Variants in GALNT7 observed in about 807,000 individuals in gnomAD.
GALNT7 encodes polypeptide N-acetylgalactosaminyltransferase 7.
In GALNT7, 60 loss-of-function variants were observed where a neutral mutation model predicts 82.1. That is an observed-to-expected ratio of 0.73 (90% CI 0.59 to 0.91). The LOEUF is 0.91. GALNT7 is among the 40% of genes least tolerant of loss of function. GALNT7 has a pLI of 0.00. For synonymous variants in GALNT7, 243 were observed against 275.1 expected, an observed-to-expected ratio of 0.88 and a Z score of 1.15; for missense variants, 660 against 804.2, an observed-to-expected ratio of 0.82 and a Z score of 2.17.
At chr4:173,268,405 AG>A (rs985250129) in intron 2 of GALNT7, among the ~76,000 whole-genome samples, 1 of 152,044 alleles carries the variant, frequency 6.6e-6, no homozygotes, top group Admixed American at 6.6e-5. Context: ...TTAGGATACC[AG>A]GTAGCACACT....
In GALNT7 at chr4:173,292,389, T is replaced by C; in HGVS notation, c.754+115T>C. ...AAATTAATAGCATCTATTGATAGCA[T>C]CTGTTATCAACAAGTTGACACTGTG... is the stretch of plus-strand genomic sequence containing the variant. On this transcript the variant is annotated intron_variant, in intron 3 of 11. Transcript: ENST00000265000. The surrounding 1 kb of genome is among the most constrained non-coding windows in gnomAD (Gnocchi z 4.8). 1.6e-6 allele frequency: 1 copy of C among 633,390 alleles called. No homozygotes were observed. Among genetic ancestry groups the C allele is most frequent in the Non-Finnish European group, 2.7e-6 (1 of 367,894 alleles). 39.2% of individuals were successfully genotyped at this position (633,390 alleles called of 1,614,324 possible). A position where few individuals can be genotyped will look rare whatever the true frequency, so the allele number is the denominator to read the frequency against.
intron 8 of GALNT7, among the ~76,000 whole-genome samples, chr4:173,304,424 A>G (rs1201581299): frequency 4.6e-5 from 7 of 151,646 alleles, no homozygotes; most frequent in Admixed American, 4.6e-4. Context: ...ATTGCACCCT[A>G]TTTTTTTAAT....
intron 1 of GALNT7, among the ~76,000 whole-genome samples, chr4:173,193,516 A>G (rs546280942): frequency 1.3e-5 from 2 of 152,280 alleles, no homozygotes; most frequent in African/African-American, 4.8e-5. Context: ...TTACATTCAC[A>G]GAAGACAAAG....
intron 1 of GALNT7, among the ~76,000 whole-genome samples, chr4:173,224,907 C>T (rs952970138): frequency 1.3e-5 from 2 of 151,412 alleles, no homozygotes; most frequent in Non-Finnish European, 2.9e-5. Context: ...CCCAGCTACT[C>T]GGGAGGCTGA....
chr4:173,239,190 A>T (rs964178319), intron 1 of GALNT7, among the ~76,000 whole-genome samples: 1 of 152,230 alleles, frequency 6.6e-6, no homozygotes, highest in South Asian at 2.1e-4. Flanking sequence ...TAAAAAAAGG[A>T]TTATTCAAAT....
intron 1 of GALNT7, among the ~76,000 whole-genome samples, chr4:173,211,837 C>T (rs1733294228): frequency 6.6e-6 from 1 of 152,104 alleles, no homozygotes; most frequent in Non-Finnish European, 1.5e-5. Context: ...AAATAGATAC[C>T]AAGGGCTATT....
At chr4:173,224,794 C>T (rs1024152313) in intron 1 of GALNT7, among the ~76,000 whole-genome samples, 16 of 151,694 alleles carry the variant, frequency 1.1e-4, no homozygotes, top group South Asian at 2.1e-4. Context: ...GGGCGGATCA[C>T]GAGGTCAGGA....
chr4:173,298,438 A>G, intron 6 of GALNT7, 141 bp downstream of exon 6: 1 of 609,222 alleles, frequency 1.6e-6, no homozygotes. Flanking sequence ...ACACTGTTTC[A>G]GAGCTTTCAA....
intron 2 of GALNT7, among the ~76,000 whole-genome samples, chr4:173,265,597 CTCT>C (rs2126775628): frequency 7.1e-6 from 1 of 140,068 alleles, no homozygotes. Flanking sequence ...ATCTCTCTCT[CTCT>C]CTCTCTCTCT....
chr4:173,218,229 C>T (rs1733532727), intron 1 of GALNT7, among the ~76,000 whole-genome samples: 1 of 152,036 alleles, frequency 6.6e-6, no homozygotes, highest in Admixed American at 6.6e-5. Flanking sequence ...ATTTATGAAC[C>T]AAATAAGGCT....
chr4:173,178,770 G>A (rs547832991), intron 1 of GALNT7, among the ~76,000 whole-genome samples: 89 of 152,262 alleles, frequency 5.8e-4, no homozygotes, highest in African/African-American at 1.7e-3. Context: ...TAGAAGGTAC[G>A]ATTAACTATA....
chr4:173,315,949 G>T (rs943591262), intron 9 of GALNT7: 2 of 152,220 alleles, frequency 1.3e-5, no homozygotes, highest in East Asian at 3.8e-4. Context: ...TCCAGAATCT[G>T]ATCCCTTGTT....
At chr4:173,174,382 TTGAG>T (rs889130308) in intron 1 of GALNT7, among the ~76,000 whole-genome samples, 5 of 152,250 alleles carry the variant, frequency 3.3e-5, no homozygotes, top group African/African-American at 1.2e-4. Context: ...TTCCTGTTTG[TTGAG>T]TATTTCCTCC....
intron 1 of GALNT7, among the ~76,000 whole-genome samples, chr4:173,216,191 A>G (rs1238433568): frequency 6.6e-6 from 1 of 152,224 alleles, no homozygotes. Flanking sequence ...TGATATTTGA[A>G]TATGTTCACC....
intron 2 of GALNT7, among the ~76,000 whole-genome samples, chr4:173,249,685 T>C (rs1027510914): frequency 6.6e-6 from 1 of 152,234 alleles, no homozygotes; most frequent in Non-Finnish European, 1.5e-5. Context: ...TTAAAAAATT[T>C]AGTATATGTT....
chr4:173,229,165 C>T (rs1301001052), intron 1 of GALNT7, among the ~76,000 whole-genome samples: 1 of 152,122 alleles, frequency 6.6e-6, no homozygotes, highest in African/African-American at 2.4e-5. Context: ...TCATTTTTAT[C>T]TGTAGCAGTC....
At chr4:173,210,741 C>T (rs1000041974) in intron 1 of GALNT7, among the ~76,000 whole-genome samples, 7 of 152,076 alleles carry the variant, frequency 4.6e-5, no homozygotes, top group African/African-American at 1.7e-4. Context: ...CTACTTTTTC[C>T]TTTTACGTTT....
In GALNT7 at chr4:173,295,442, C is replaced by T. The variant is rs1342270920; in HGVS notation, c.801C>T (p.Gly267=). Residue 267 remains glycine (G), a synonymous_variant, in exon 4 of 12, where the codon GGC becomes GGT. Transcript: ENST00000265000. The part of the protein sequence containing the change: ...KLDEYIKLWN[G]LVKVFRNERR... ...ATGAATATATTAAGCTGTGGAATGGCCTAGTGAAGGTATTTCGAAATGAAA... is the reference window on the plus strand; with the variant it reads ...ATGAATATATTAAGCTGTGGAATGGTCTAGTGAAGGTATTTCGAAATGAAA... 2 of 1,602,800 alleles carry T rather than the reference C, an allele frequency of 1.2e-6. No homozygotes were observed. The highest frequency in any genetic ancestry group is 8.5e-7 in the Non-Finnish European group (1 of 1,169,896).
intron 3 of GALNT7, among the ~76,000 whole-genome samples, chr4:173,294,721 G>A (rs1042260930): frequency 2.0e-5 from 3 of 152,096 alleles, no homozygotes; most frequent in African/African-American, 4.8e-5. Context: ...TTTGCCAAAT[G>A]TGTCTGGTTT....
Sources: gnomAD v4.1 joint callset for allele counts (sites outside exome capture counted in the v4.1 genomes callset) on GRCh38, gnomAD v4.1.1 for gene constraint, Gnocchi (gnomAD v3.1) non-coding constraint, MANE v1.5 for transcripts, NCBI Gene and HGNC (gene_info 2026-07-23, HGNC 2026-07-21) for gene names.